POTEH: variants seen among roughly 807,000 people sequenced by gnomAD.
The protein encoded by POTEH is POTE ankyrin domain family member H.
A neutral mutation model predicts 41.7 loss-of-function variants in POTEH; 6 were observed. That is an observed-to-expected ratio of 0.14 (90% CI 0.08 to 0.28). POTEH has a LOEUF of 0.28. Ranked by LOEUF, POTEH falls within the 10% of genes least tolerant of loss-of-function variation. The pLI, the probability that POTEH is intolerant of heterozygous loss-of-function variation, is 1.00. For missense variants in POTEH, 115 were observed against 533.5 expected (o/e 0.22, Z 7.73); for synonymous variants, 38 against 179.9 (o/e 0.21, Z 6.31).
intron 1 of POTEH, among the ~76,000 whole-genome samples, chr22:15,692,970 G>T (rs1454973393): frequency 8.1e-6 from 1 of 124,216 alleles, no homozygotes; most frequent in African/African-American, 2.9e-5. Context: ...TCTTAGTATT[G>T]CTTAAAATAG....
intron 6 of POTEH, among the ~76,000 whole-genome samples, chr22:15,703,833 A>G (rs1360456038): frequency 6.8e-6 from 1 of 146,840 alleles, no homozygotes; most frequent in African/African-American, 2.5e-5. Context: ...CTCATAATAG[A>G]GCTGTCTCCA....
At chr22:15,692,377 G>A (rs1452324160) in intron 1 of POTEH, among the ~76,000 whole-genome samples, 1 of 147,048 alleles carries the variant, frequency 6.8e-6, no homozygotes, top group Non-Finnish European at 1.5e-5. Flanking sequence ...AGTGACCTAT[G>A]TGCATAGGAA....
chr22:15,692,863 G>T (rs1275575673), intron 1 of POTEH, among the ~76,000 whole-genome samples: 2 of 128,298 alleles, frequency 1.6e-5, no homozygotes, highest in Non-Finnish European at 3.5e-5. Context: ...TTTCAAACAG[G>T]CACTTTAGTG....
Position 15,692,009 on chromosome 22 carries a change from A to ATAAATAAAAC in POTEH, c.632+1300_632+1301insTAAATAAAAC, listed in dbSNP as rs1421248855. Among the ~76,000 whole-genome samples, 787 of 126,388 alleles carry ATAAATAAAAC rather than the reference A, an allele frequency of 6.2e-3. 1 individual carries two copies. The highest frequency in any genetic ancestry group is 0.015 in the South Asian group (49 of 3,312). The allele number at this position is 126,388 out of a possible 152,430, so 82.9% of individuals were successfully genotyped here. Reference sequence around the variant, plus strand: ...ACATATATATATATATATATATATAAATTTCTTTTTTTTTTTGATGGAGTC... The same window carrying ATAAATAAAAC: ...ACATATATATATATATATATATATAATAAATAAAACATTTCTTTTTTTTTTTGATGGAGTC... On this transcript the variant is annotated intron_variant, in intron 1 of 10. Transcript: ENST00000343518.
chr22:15,713,029 T>C (rs1235034642), intron 9 of POTEH, among the ~76,000 whole-genome samples: 1 of 151,916 alleles, frequency 6.6e-6, no homozygotes, highest in Non-Finnish European at 1.5e-5. Flanking sequence ...CCTCCACCTG[T>C]TATGTAAAAT....
intron 9 of POTEH, among the ~76,000 whole-genome samples, chr22:15,713,416 C>A (rs1184575631): frequency 6.6e-6 from 1 of 152,296 alleles, no homozygotes; most frequent in African/African-American, 2.4e-5. Context: ...CCATTCATCA[C>A]GGTCTGTTTT....
rs1299468441 is a variant in POTEH, at chr22:15,691,976, A to G, written c.632+1267A>G. On this transcript the variant is annotated intron_variant, in intron 1 of 10. Transcript: ENST00000343518. The stretch of plus-strand genomic sequence containing the variant: ...AGAAAACACAAGTGCCTATTTACAT[A>G]TGCAGATACATATATATATATATAT... Among the ~76,000 whole-genome samples the G allele has an allele frequency of 1.2e-4, 14 of 118,910 alleles. 2 individuals carry two copies. Among genetic ancestry groups the G allele is most frequent in the Non-Finnish European group, 2.4e-4 (13 of 53,616 alleles). 78.0% of individuals were successfully genotyped at this position (118,910 alleles called of 152,430 possible).
At chr22:15,711,254 A>G (rs1405808859) in intron 9 of POTEH, among the ~76,000 whole-genome samples, 3 of 152,132 alleles carry the variant, frequency 2.0e-5, no homozygotes, top group East Asian at 1.9e-4. Flanking sequence ...TTTTCTTTTC[A>G]GTGACCTTTT....
intron 9 of POTEH, among the ~76,000 whole-genome samples, chr22:15,712,920 T>C (rs1368843046): frequency 6.7e-6 from 1 of 148,884 alleles, no homozygotes; most frequent in African/African-American, 2.5e-5. Flanking sequence ...GATCTAGAAA[T>C]GTTCTAGGGG....
intron 9 of POTEH, 106 bp downstream of exon 9, chr22:15,711,140 T>TC: frequency 6.5e-7 from 1 of 1,543,734 alleles, no homozygotes; most frequent in Non-Finnish European, 8.8e-7. Context: ...TGCCTGTTAA[T>TC]CAGAAAAATG....
intron 9 of POTEH, among the ~76,000 whole-genome samples, chr22:15,713,284 A>G (rs1326938107): frequency 6.6e-6 from 1 of 152,302 alleles, no homozygotes; most frequent in African/African-American, 2.4e-5. Context: ...TTTTTCTTAC[A>G]CCTCATTTTA....
Position 15,690,099 on chromosome 22 carries a change from A to T in POTEH, c.22A>T (p.Met8Leu), listed in dbSNP as rs750845990. The stretch of plus-strand genomic sequence containing the variant: ...GCAGATGGTGGCTGAGGCTGGTTCA[A>T]TGCCGGCTGCCTCCTCTGTGAAGAA... MVAEAGSMPAASSVKKPF... is the reference protein window; with the variant it reads MVAEAGSLPAASSVKKPF... The change falls in exon 1 of 11, where the codon ATG becomes TTG. Residue 8 changes from methionine (M) to leucine (L), a missense_variant. By Grantham distance (15) the Met-to-Leu change is conservative. Transcript: ENST00000343518. The T allele has an allele frequency of 1.4e-6, 2 of 1,406,584 alleles. No homozygotes were observed. The highest frequency in any genetic ancestry group is 4.6e-5 in the East Asian group (2 of 43,620). 87.1% of individuals were successfully genotyped at this position (1,406,584 alleles called of 1,614,324 possible).
intron 1 of POTEH, among the ~76,000 whole-genome samples, chr22:15,692,392 T>C (rs1989342645): frequency 1.4e-5 from 2 of 147,398 alleles, no homozygotes; most frequent in South Asian, 4.3e-4. Flanking sequence ...TAGGAAAAGA[T>C]AGCATTCCTG....
At chr22:15,714,269 A>C (rs2123847242) in intron 9 of POTEH, among the ~76,000 whole-genome samples, 1 of 152,334 alleles carries the variant, frequency 6.6e-6, no homozygotes, top group African/African-American at 2.4e-5. Flanking sequence ...GGTTTTTAAA[A>C]ACTTCCCCTT....
intron 1 of POTEH, among the ~76,000 whole-genome samples, chr22:15,692,065 G>A (rs1399283244): frequency 7.2e-6 from 1 of 137,940 alleles, no homozygotes; most frequent in Admixed American, 7.6e-5. Context: ...GAGTGCAGTG[G>A]TGCGATCTCA....
intron 6 of POTEH, among the ~76,000 whole-genome samples, chr22:15,706,876 G>C (rs1988048): frequency 3.3e-4 from 49 of 150,146 alleles, no homozygotes; most frequent in Admixed American, 2.4e-3. Context: ...CTGCTGCCGG[G>C]CATGCTGTCA....
intron 6 of POTEH, among the ~76,000 whole-genome samples, chr22:15,703,597 G>T (rs1989605780): frequency 6.9e-6 from 1 of 144,382 alleles, no homozygotes; most frequent in African/African-American, 2.6e-5. Flanking sequence ...TATGCAAATT[G>T]CCCAACTCTA....
chr22:15,692,268 G>A (rs1304154892), intron 1 of POTEH, among the ~76,000 whole-genome samples: 5 of 141,402 alleles, frequency 3.5e-5, no homozygotes, highest in Non-Finnish European at 8.0e-5. Context: ...GCCTCCCAAA[G>A]TGCTGTGGTT....
chr22:15,714,608 C>T (rs1188960387), intron 9 of POTEH, among the ~76,000 whole-genome samples: 1 of 151,846 alleles, frequency 6.6e-6, no homozygotes, highest in African/African-American at 2.4e-5. Flanking sequence ...CTTACTGTTT[C>T]CATTACTTCA....
Sources: gnomAD v4.1 joint callset for allele counts (sites outside exome capture counted in the v4.1 genomes callset) on GRCh38, gnomAD v4.1.1 for gene constraint, MANE v1.5 for transcripts, NCBI Gene and HGNC (gene_info 2026-07-23, HGNC 2026-07-21) for gene names.